Variants in PPP1R12A observed in about 807,000 individuals in gnomAD.
PPP1R12A encodes the protein protein phosphatase 1 regulatory subunit 12A.
In PPP1R12A, 19 loss-of-function variants were observed where a neutral mutation model predicts 139.6. The observed-to-expected ratio is 0.14, with a 90% CI of 0.09 to 0.20. The LOEUF (loss-of-function observed/expected upper bound fraction) is 0.20. Among genes scored for constraint, PPP1R12A ranks in the 10% least tolerant of loss-of-function variants. The probability of loss-of-function intolerance (pLI) is 1.00; values close to 1 mark genes in which losing one functional copy is unlikely to be tolerated. For synonymous variants in PPP1R12A, 427 were observed against 420.6 expected (o/e 1.02, Z -0.19); for missense variants, 925 against 1,211.5 (o/e 0.76, Z 3.51).
intron 2 of PPP1R12A, among the ~76,000 whole-genome samples, chr12:79,851,404 A>C (rs1333814145): frequency 6.6e-6 from 1 of 152,208 alleles, no homozygotes; most frequent in Non-Finnish European, 1.5e-5. Context: ...AAAAGTTCTG[A>C]CCTCAGACCT....
chr12:79,855,295 T>A lies in PPP1R12A; in HGVS notation c.369-9875A>T, dbSNP rs115288258. On this transcript the variant is annotated intron_variant, in intron 2 of 24. Coordinates refer to ENST00000450142, the MANE Select transcript of PPP1R12A (RefSeq NM_002480.3). The stretch of plus-strand genomic sequence containing the variant: ...GAGCCACCGCGCCTGGCCCCCAAAT[T>A]ATAATTATTAATACAGGTCTATTAT... 5.4e-3 allele frequency among the ~76,000 whole-genome samples: 824 copies of A among 152,192 alleles called. 5 individuals are homozygous for A. The highest frequency in any genetic ancestry group is 0.019 in the African/African-American group (783 of 41,528).
At chr12:79,802,309 A>G (rs1873285369) in intron 14 of PPP1R12A, among the ~76,000 whole-genome samples, 1 of 152,228 alleles carries the variant, frequency 6.6e-6, no homozygotes, top group Non-Finnish European at 1.5e-5. Context: ...GTAAATATAG[A>G]AAAGTGCTCC....
At chr12:79,858,259 T>TA (rs1293909439) in intron 2 of PPP1R12A, among the ~76,000 whole-genome samples, 4 of 152,212 alleles carry the variant, frequency 2.6e-5, no homozygotes, top group Non-Finnish European at 5.9e-5. Flanking sequence ...GACAAAATGA[T>TA]AGTTTCCTTT....
At chr12:79,826,993 G>A (rs1876860881) in intron 5 of PPP1R12A, among the ~76,000 whole-genome samples, 1 of 152,122 alleles carries the variant, frequency 6.6e-6, no homozygotes, top group African/African-American at 2.4e-5. Context: ...ATAGGTACCT[G>A]CTAATCTTTT....
At chr12:79,858,530 C>T (rs1321773630) in intron 2 of PPP1R12A, among the ~76,000 whole-genome samples, 2 of 152,094 alleles carry the variant, frequency 1.3e-5, no homozygotes, top group East Asian at 1.9e-4. Flanking sequence ...TCAAAGTTGA[C>T]GAGAATTACT....
intron 5 of PPP1R12A, 117 bp from the exon 6 acceptor site, chr12:79,822,307 A>AT: frequency 1.5e-6 from 1 of 669,620 alleles, no homozygotes; most frequent in Non-Finnish European, 2.5e-6. Context: ...TACAGTGGTT[A>AT]TGATACAATA....
intron 12 of PPP1R12A, 83 bp from the exon 13 acceptor site, chr12:79,806,416 G>C: frequency 7.7e-7 from 1 of 1,302,968 alleles, no homozygotes. Flanking sequence ...TAAATTACAA[G>C]GCTAGAAAAA....
At chr12:79,833,232 T>C (rs540183685) in intron 3 of PPP1R12A, among the ~76,000 whole-genome samples, 3 of 151,910 alleles carry the variant, frequency 2.0e-5, no homozygotes, top group Non-Finnish European at 4.4e-5. Context: ...ATCATGCCAC[T>C]GCATTACAGC....
intron 14 of PPP1R12A, among the ~76,000 whole-genome samples, chr12:79,803,586 A>G (rs1215025705): frequency 1.3e-5 from 2 of 152,188 alleles, no homozygotes; most frequent in East Asian, 1.9e-4. Context: ...AATCATATAC[A>G]TTTCAGAACC....
rs533796472 is a variant in PPP1R12A at position 79,793,798 on chromosome 12, C to T, written c.2649+65G>A. The T allele has an allele frequency of 1.3e-4, 162 of 1,265,046 alleles. 1 individual carries two copies. In the African/African-American group the frequency reaches 1.7e-3, roughly 13 times the overall value. 78.4% of individuals were successfully genotyped at this position (1,265,046 alleles called of 1,614,324 possible). On this transcript the variant is annotated intron_variant, in intron 19 of 24. Transcript: ENST00000450142. Reference sequence around the variant, plus strand: ...CTTTGCATGAATAAACATAATAAAACGCAATTTAAAAGTAATTATTAAAAA... The same window carrying T: ...CTTTGCATGAATAAACATAATAAAATGCAATTTAAAAGTAATTATTAAAAA...
intron 1 of PPP1R12A, among the ~76,000 whole-genome samples, chr12:79,929,042 G>C (rs1888056138): frequency 6.6e-6 from 1 of 152,176 alleles, no homozygotes; most frequent in Non-Finnish European, 1.5e-5. Flanking sequence ...CTAGTTTTGT[G>C]AATGACAATT....
chr12:79,812,815 T>TC (rs893264385), intron 9 of PPP1R12A, among the ~76,000 whole-genome samples: 13 of 152,122 alleles, frequency 8.5e-5, no homozygotes, highest in African/African-American at 3.1e-4. Context: ...TAAGTATATC[T>TC]CTTCAATCTC....
At chr12:79,795,569 T>A (rs1044644300) in intron 18 of PPP1R12A, 69 bp downstream of exon 18, 1 of 1,418,354 alleles carries the variant, frequency 7.1e-7, no homozygotes. Context: ...ATTATTAGTA[T>A]GTATTTTTGG....
chr12:79,802,276 T>C (rs569164419), intron 14 of PPP1R12A, among the ~76,000 whole-genome samples: 1 of 152,204 alleles, frequency 6.6e-6, no homozygotes, highest in South Asian at 2.1e-4. Flanking sequence ...CCTCCACCCC[T>C]GACCCATTTT....
At chr12:79,826,063 T>G (rs1286846472) in intron 5 of PPP1R12A, among the ~76,000 whole-genome samples, 2 of 151,920 alleles carry the variant, frequency 1.3e-5, no homozygotes, top group African/African-American at 4.8e-5. Flanking sequence ...GAAAAATATT[T>G]TGATTAAAAT....
At chr12:79,791,334 A>G (rs1381719513) in intron 19 of PPP1R12A, among the ~76,000 whole-genome samples, 1 of 152,150 alleles carries the variant, frequency 6.6e-6, no homozygotes. Context: ...ACTGATTATT[A>G]TTACTATTTT....
chr12:79,797,300 T>A lies in PPP1R12A; in HGVS notation c.2187A>T (p.Lys729Asn), dbSNP rs755220839. 3 of 1,591,052 alleles carry A rather than the reference T, an allele frequency of 1.9e-6. No individual in the cohort carries two copies. Among genetic ancestry groups the A allele is most frequent in the Non-Finnish European group, 2.6e-6 (3 of 1,167,018 alleles). ...TREQENEEKEKEEKEKQDKEK... is the reference protein window; with the variant it reads ...TREQENEEKENEEKEKQDKEK... ...CTTTATCTTGTTTCTCTTTTTCCTC[T>A]TTTTCTTTTTCTTCATTTTCTTGTT... Residue 729 changes from lysine to asparagine, a missense_variant, in exon 16 of 25, where the codon AAA (lysine) becomes AAT (asparagine). This residue lies in a region of PPP1R12A where 315 missense variants were observed against 363.4 expected (regional missense o/e 0.87). Transcript: ENST00000450142.
At chr12:79,857,148 C>T (rs990650695) in intron 2 of PPP1R12A, among the ~76,000 whole-genome samples, 5 of 152,114 alleles carry the variant, frequency 3.3e-5, no homozygotes, top group African/African-American at 4.8e-5. Flanking sequence ...TTTATTGCGG[C>T]ATTATTCACA....
chr12:79,889,401 C>A (rs1283285449), intron 1 of PPP1R12A, among the ~76,000 whole-genome samples: 1 of 152,134 alleles, frequency 6.6e-6, no homozygotes, highest in African/African-American at 2.4e-5. Context: ...ATAGAAAAGA[C>A]AACAAAATCC....
Sources: allele counts gnomAD v4.1 joint callset (sites outside exome capture counted in the v4.1 genomes callset), GRCh38; gene constraint gnomAD v4.1.1; regional missense constraint gnomAD v4.1.1; transcripts MANE v1.5; gene names NCBI Gene and HGNC (gene_info 2026-07-23, HGNC 2026-07-21).